The following OAT variants were observed in gnomAD, a reference collection of about 807,000 sequenced individuals.
OAT encodes ornithine aminotransferase, mitochondrial.
OAT carries 35 observed loss-of-function variants against 48.4 expected under a neutral mutation model. The ratio of observed to expected loss-of-function variants is 0.72; its 90% CI spans 0.55 to 0.96. OAT has a LOEUF of 0.96. Among genes scored for constraint, OAT ranks in the 40% least tolerant of loss-of-function variants. The pLI, the probability that OAT is intolerant of heterozygous loss-of-function variation, is 0.00. For missense variants in OAT, 438 were observed against 537.9 expected (o/e 0.81, Z 1.84); for synonymous variants, 182 against 198.4 (o/e 0.92, Z 0.70).
intron 1 of OAT, among the ~76,000 whole-genome samples, chr10:124,413,599 C>T (rs1314742229): frequency 6.6e-6 from 1 of 152,142 alleles, no homozygotes; most frequent in Non-Finnish European, 1.5e-5. Flanking sequence ...AGGAGAATCG[C>T]TTGAACTTGG....
intron 2 of OAT, among the ~76,000 whole-genome samples, chr10:124,410,924 G>C (rs1318628183): frequency 6.6e-6 from 1 of 152,048 alleles, no homozygotes; most frequent in African/African-American, 2.4e-5. Flanking sequence ...TGGATCACCT[G>C]AGGTCAGGAG....
chr10:124,412,632 T>C (rs990078953), intron 1 of OAT, among the ~76,000 whole-genome samples: 2 of 150,948 alleles, frequency 1.3e-5, no homozygotes, highest in Non-Finnish European at 3.0e-5. Flanking sequence ...ATAGTCTCTA[T>C]AAAAGAAAAA....
intron 2 of OAT, among the ~76,000 whole-genome samples, chr10:124,409,573 T>C (rs1951693728): frequency 6.6e-6 from 1 of 151,126 alleles, no homozygotes; most frequent in African/African-American, 2.4e-5. Flanking sequence ...ATAAAATAAA[T>C]AAAATTTAAA....
Position 124,399,198 on chromosome 10 carries a change from G to A in OAT, c.1160-1096C>T, listed in dbSNP as rs568409754. On this transcript the variant is annotated intron_variant, in intron 9 of 9. Coordinates refer to ENST00000368845, the MANE Select transcript of OAT (RefSeq NM_000274.4). ...CCTGAGCTCAACATATTATAGCAGC[G>A]ATTCTCAACCTGGCTGCACATCAGA... 5.3e-5 allele frequency among the ~76,000 whole-genome samples: 8 copies of A among 152,100 alleles called. No individual in the cohort carries two copies. In the South Asian group the frequency reaches 6.2e-4, roughly 12 times the overall value.
intron 1 of OAT, among the ~76,000 whole-genome samples, chr10:124,412,887 A>G (rs1221578361): frequency 2.6e-5 from 4 of 152,212 alleles, no homozygotes; most frequent in Admixed American, 2.6e-4. Flanking sequence ...TTAAGCACCT[A>G]CCACAGTCCG....
At chr10:124,408,438 G>A in intron 4 of OAT, 104 bp downstream of exon 4, 2 of 965,478 alleles carry the variant, frequency 2.1e-6, no homozygotes, top group Non-Finnish European at 3.2e-6. Flanking sequence ...CTCCTGCCTT[G>A]GCCTCCCAAA....
chr10:124,409,105 T>A, intron 2 of OAT, 140 bp from the exon 3 acceptor site: 1 of 629,776 alleles, frequency 1.6e-6, no homozygotes, highest in South Asian at 2.1e-5. Flanking sequence ...AAGCTTGTTT[T>A]AGCTCAGGCA....
Position 124,397,939 on chromosome 10 carries a change from C to A in OAT, c.*3G>T, listed in dbSNP as rs777692094. 1.2e-6 allele frequency: 2 copies of A among 1,613,698 alleles called. No homozygotes were observed. Among genetic ancestry groups the A allele is most frequent in the South Asian group, 2.2e-5 (2 of 91,076 alleles). Reference sequence around the variant, plus strand: ...AGGGACCACTGAAAACAGCTGGCTACCCTCAGAAAGACAAGATGGTCTTGT... The same window carrying A: ...AGGGACCACTGAAAACAGCTGGCTAACCTCAGAAAGACAAGATGGTCTTGT... On this transcript the variant is annotated 3_prime_UTR_variant, in exon 10 of 10. Transcript: ENST00000368845.
intron 6 of OAT, 129 bp downstream of exon 6, chr10:124,403,668 GA>G (rs1214703310): frequency 8.3e-6 from 11 of 1,329,830 alleles, no homozygotes; most frequent in Non-Finnish European, 1.2e-5. Flanking sequence ...CCCTCTAGTG[GA>G]AAGTAATTTA....
At chr10:124,412,907 G>C (rs1052361459) in intron 1 of OAT, among the ~76,000 whole-genome samples, 1 of 152,162 alleles carries the variant, frequency 6.6e-6, no homozygotes, top group Non-Finnish European at 1.5e-5. Flanking sequence ...GATACCATCA[G>C]GCACAATGCT....
rs141487811 is a variant in OAT, at chr10:124,408,032, A to G, written c.520+510T>C. Among the ~76,000 whole-genome samples, 275 of 152,210 alleles carry G rather than the reference A, an allele frequency of 1.8e-3. 1 individual carries two copies. Among genetic ancestry groups the G allele is most frequent in the African/African-American group, 6.4e-3 (266 of 41,548 alleles). On this transcript the variant is annotated intron_variant, in intron 4 of 9. Transcript: ENST00000368845. ...ACCCAACACAAACCCTCCACCAGTG[A>G]GACTATCTAATTAACTGGATAACTG... is the stretch of plus-strand genomic sequence containing the variant.
At chr10:124,398,327 T>C (rs1951295517) in intron 9 of OAT, among the ~76,000 whole-genome samples, 1 of 149,878 alleles carries the variant, frequency 6.7e-6, no homozygotes, top group Non-Finnish European at 1.5e-5. Flanking sequence ...TGGCCAACAT[T>C]ATGAAACCCG....
chr10:124,413,815 G>A (rs1199428642), intron 1 of OAT, among the ~76,000 whole-genome samples: 2 of 152,058 alleles, frequency 1.3e-5, no homozygotes, highest in African/African-American at 4.8e-5. Context: ...GCAGGCTGGT[G>A]TTTACCCTGC....
intron 2 of OAT, among the ~76,000 whole-genome samples, chr10:124,409,935 T>C (rs941370177): frequency 2.0e-5 from 3 of 152,200 alleles, no homozygotes; most frequent in African/African-American, 7.2e-5. Flanking sequence ...TCTGAAGAAA[T>C]TGGCACTCTC....
chr10:124,412,093 A>G lies in OAT; in HGVS notation c.79T>C (p.Ser27Pro), dbSNP rs777151225. The G allele has an allele frequency of 6.2e-7, 1 of 1,614,160 alleles. No individual in the cohort carries two copies. The highest frequency in any genetic ancestry group is 8.5e-7 in the Non-Finnish European group (1 of 1,179,990). ...GVHSSVASAT[S>P]VATKKTVQGP... Reference sequence around the variant, plus strand: ...TGGACTGTTTTTTTAGTTGCAACAGATGTAGCAGAAGCCACTGAAGAATGA... The same window carrying G: ...TGGACTGTTTTTTTAGTTGCAACAGGTGTAGCAGAAGCCACTGAAGAATGA... The change falls in exon 2 of 10, where the codon TCT (serine) becomes CCT (proline). Residue 27 changes from serine to proline, a missense_variant. Physicochemically the swap from Ser to Pro is moderately conservative, Grantham distance 74 (BLOSUM62 -1). Coordinates refer to ENST00000368845, the MANE Select transcript of OAT (RefSeq NM_000274.4).
At chr10:124,413,299 C>A (rs941307927) in intron 1 of OAT, among the ~76,000 whole-genome samples, 1 of 144,582 alleles carries the variant, frequency 6.9e-6, no homozygotes, top group Admixed American at 7.0e-5. Context: ...CACACACACA[C>A]ACACACACAC....
intron 1 of OAT, among the ~76,000 whole-genome samples, chr10:124,415,729 ACTC>A (rs1192541940): frequency 6.6e-6 from 1 of 152,122 alleles, no homozygotes; most frequent in Non-Finnish European, 1.5e-5. Context: ...CTGAAGAGTA[ACTC>A]TGGGTGATTC....
chr10:124,416,924 T>C (rs1239887041), intron 1 of OAT, among the ~76,000 whole-genome samples: 2 of 151,670 alleles, frequency 1.3e-5, no homozygotes, highest in African/African-American at 4.8e-5. Context: ...TAATCAGTAT[T>C]CTGGCTAAAA....
Position 124,397,717 on chromosome 10 carries a change from A to T in OAT, c.*225T>A. The T allele has an allele frequency of 3.8e-6, 2 of 529,706 alleles. No homozygotes were observed. Among genetic ancestry groups the T allele is most frequent in the Non-Finnish European group, 6.8e-6 (2 of 296,296 alleles). 32.8% of individuals were successfully genotyped at this position (529,706 alleles called of 1,614,324 possible). On this transcript the variant is annotated 3_prime_UTR_variant, in exon 10 of 10. Transcript: ENST00000368845. ...AGGAAGTACACATGCACATCAAAAC[A>T]CTTCAACTGAATATAGATGCCATTA...
Sources: gnomAD v4.1 joint callset for allele counts (sites outside exome capture counted in the v4.1 genomes callset) on GRCh38, gnomAD v4.1.1 for gene constraint, MANE v1.5 for transcripts, NCBI Gene and HGNC (gene_info 2026-07-23, HGNC 2026-07-21) for gene names.